Variants in ATP7A observed in about 807,000 individuals in gnomAD.
ATP7A encodes the protein ATPase copper transporting alpha, also known as copper-transporting ATPase 1.
ATP7A carries 7 observed loss-of-function variants against 83.5 expected under a neutral mutation model. The ratio of observed to expected loss-of-function variants is 0.08; its 90% CI spans 0.05 to 0.16. The LOEUF (loss-of-function observed/expected upper bound fraction) is 0.16. Ranked by LOEUF, ATP7A falls within the 10% of genes least tolerant of loss-of-function variation. ATP7A has a pLI of 1.00. For synonymous variants in ATP7A, 354 were observed against 395.2 expected, an observed-to-expected ratio of 0.90 and a Z score of 1.24; for missense variants, 940 against 1,120.8, an observed-to-expected ratio of 0.84 and a Z score of 2.30.
chrX:77,932,668 C>T (rs1319737038), intron 1 of ATP7A, among the ~76,000 whole-genome samples: 3 of 112,860 alleles, frequency 2.7e-5, no homozygotes, highest in Non-Finnish European at 5.6e-5. Context: ...CTCGGGAGGC[C>T]GAGGCTGGCA....
rs782007567 is a variant in ATP7A at position 77,937,344 on chromosome X, G to A, written c.-22+26509G>A. 1.5e-4 allele frequency among the ~76,000 whole-genome samples: 17 copies of A among 112,457 alleles called. No homozygotes were observed. The South Asian group carries it at 3.3e-3, about 22-fold the overall frequency. On this transcript the variant is annotated intron_variant, in intron 1 of 22. Coordinates refer to ENST00000341514, the MANE Select transcript of ATP7A (RefSeq NM_000052.7). ...TGCAGAGCAACTGGAACTTTTATAC[G>A]TTTCTGATGGGAATACAAAATGATA...
chrX:78,042,732 G>A lies in ATP7A; in HGVS notation c.3949G>A (p.Ala1317Thr). 1 of 1,211,746 alleles carries A rather than the reference G, an allele frequency of 8.3e-7. No homozygotes were observed. The highest frequency in any genetic ancestry group is 1.1e-6 in the Non-Finnish European group (1 of 895,588). Residue 1317 changes from alanine (A) to threonine (T), a missense_variant, in exon 20 of 23, where the codon GCT becomes ACT. Around this residue, in one of 3 missense-constraint regions of ATP7A, gnomAD observed 386 missense variants for 502.2 expected, o/e 0.77. Coordinates refer to ENST00000341514, the MANE Select transcript of ATP7A (RefSeq NM_000052.7). The stretch of plus-strand genomic sequence containing the variant: ...TCTGGCAATGGCTAATGTGGGAATT[G>A]CTATTGGCACAGGCACAGATGTAGC... ...PALAMANVGIAIGTGTDVAIE... is the reference protein window; with the variant it reads ...PALAMANVGITIGTGTDVAIE...
At position 77,912,174 on chromosome X, in the gene ATP7A, A is replaced by G. The variant is rs2077164221; in HGVS notation, c.-22+1339A>G. Among the ~76,000 whole-genome samples, 3 of 111,611 alleles carry G rather than the reference A, an allele frequency of 2.7e-5. No homozygotes were observed. The South Asian group carries it at 1.1e-3, about 41-fold the overall frequency. On this transcript the variant is annotated intron_variant, in intron 1 of 22. Transcript: ENST00000341514. Reference sequence around the variant, plus strand: ...GTTTTTTTTGTACTTGAGGATCTCAATGTAGTAGGAAAGAAAGATACACGA... The same window carrying G: ...GTTTTTTTTGTACTTGAGGATCTCAGTGTAGTAGGAAAGAAAGATACACGA...
chrX:78,011,491 T>G lies in ATP7A; in HGVS notation c.1989T>G (p.Pro663=). ...TTGTGAGTCTGTTTTTCTGTATTCCTGTAATGGGGCTGATGATATATATGA... is the reference window on the plus strand; with the variant it reads ...TTGTGAGTCTGTTTTTCTGTATTCCGGTAATGGGGCTGATGATATATATGA... ...SFLVSLFFCI[P]VMGLMIYMMV... Residue 663 remains proline (P), a synonymous_variant, in exon 9 of 23, where the codon CCT becomes CCG. Transcript: ENST00000341514. The G allele has an allele frequency of 1.7e-6, 2 of 1,211,147 alleles. No homozygotes were observed. The highest frequency in any genetic ancestry group is 2.2e-6 in the Non-Finnish European group (2 of 895,219).
chrX:77,981,169 T>G (rs944834360), intron 2 of ATP7A, among the ~76,000 whole-genome samples: 2 of 111,917 alleles, frequency 1.8e-5, no homozygotes, highest in African/African-American at 6.5e-5. Context: ...TTTGGCTTCT[T>G]AGCTTTTTCT....
intron 14 of ATP7A, among the ~76,000 whole-genome samples, chrX:78,028,363 A>G (rs978216872): frequency 9.0e-6 from 1 of 110,867 alleles, no homozygotes; most frequent in East Asian, 2.8e-4. Flanking sequence ...TAATTTTTGC[A>G]TTTTTAATAG....
chrX:77,990,491 A>G (rs987659139), intron 4 of ATP7A, among the ~76,000 whole-genome samples: 6 of 111,772 alleles, frequency 5.4e-5, no homozygotes, highest in Non-Finnish European at 9.4e-5. Flanking sequence ...TTTTACAATA[A>G]GAATGTATGT....
chrX:77,950,346 G>A (rs1226546840), intron 1 of ATP7A, among the ~76,000 whole-genome samples: 1 of 111,819 alleles, frequency 8.9e-6, no homozygotes, highest in Non-Finnish European at 1.9e-5. Flanking sequence ...TTTCTAAGAC[G>A]CTTGCGGTGG....
At chrX:77,955,445 A>G (rs1475023077) in intron 1 of ATP7A, among the ~76,000 whole-genome samples, 1 of 111,839 alleles carries the variant, frequency 8.9e-6, no homozygotes, top group Non-Finnish European at 1.9e-5. Context: ...TTTTCTTAGA[A>G]CATGCATTTA....
chrX:77,974,220 T>G (rs541135244), intron 2 of ATP7A, among the ~76,000 whole-genome samples: 3 of 110,035 alleles, frequency 2.7e-5, no homozygotes, highest in South Asian at 7.9e-4. Context: ...GTTGGCTCAC[T>G]GCAACGTCCA....
intron 1 of ATP7A, among the ~76,000 whole-genome samples, chrX:77,947,432 A>G (rs892880080): frequency 1.2e-5 from 1 of 86,333 alleles, no homozygotes; most frequent in African/African-American, 6.1e-5. Context: ...GTTATTGTGT[A>G]TTTTACCACA....
chrX:77,926,789 A>C (rs782786498), intron 1 of ATP7A, among the ~76,000 whole-genome samples: 17 of 102,542 alleles, frequency 1.7e-4, no homozygotes, highest in Admixed American at 1.4e-3. Context: ...TGCAACCTCC[A>C]CCTCCCCAGT....
At chrX:77,973,716 A>G (rs1175135599) in intron 2 of ATP7A, among the ~76,000 whole-genome samples, 1 of 111,916 alleles carries the variant, frequency 8.9e-6, no homozygotes, top group Non-Finnish European at 1.9e-5. Flanking sequence ...TTCCATATAA[A>G]TTTTAGAATC....
intron 6 of ATP7A, among the ~76,000 whole-genome samples, chrX:78,007,348 C>T (rs1219234328): frequency 3.7e-5 from 4 of 108,565 alleles, no homozygotes; most frequent in African/African-American, 1.0e-4. Flanking sequence ...TTTTTTGAGA[C>T]GGAGTCTCGC....
chrX:77,998,998 A>ATT (rs782623228), intron 5 of ATP7A, among the ~76,000 whole-genome samples: 2 of 100,830 alleles, frequency 2.0e-5, no homozygotes, highest in African/African-American at 3.6e-5. Flanking sequence ...AAGGAACATA[A>ATT]TTTTTTTTTT....
intron 1 of ATP7A, among the ~76,000 whole-genome samples, chrX:77,948,125 G>GTTCA (rs1173107342): frequency 6.4e-5 from 6 of 94,083 alleles, no homozygotes; most frequent in African/African-American, 1.3e-4. Context: ...TCATTCATTC[G>GTTCA]TTCATTCATT....
chrX:78,033,530 G>C, intron 16 of ATP7A, 75 bp from the exon 17 acceptor site: 2 of 975,228 alleles, frequency 2.1e-6, no homozygotes, highest in Non-Finnish European at 2.9e-6. Flanking sequence ...AATTAACTAG[G>C]GGTTTTTATC....
intron 2 of ATP7A, among the ~76,000 whole-genome samples, chrX:77,972,578 T>C (rs1019421546): frequency 2.7e-5 from 3 of 112,144 alleles, no homozygotes; most frequent in African/African-American, 9.7e-5. Flanking sequence ...CTTGAACTCC[T>C]GACCTCAGGT....
chrX:77,994,643 G>A (rs781880867), intron 4 of ATP7A, among the ~76,000 whole-genome samples: 1 of 110,223 alleles, frequency 9.1e-6, no homozygotes, highest in African/African-American at 3.3e-5. Flanking sequence ...GGGCTTAAGC[G>A]ATCTTCCCAC....
Sources: allele counts gnomAD v4.1 joint callset (sites outside exome capture counted in the v4.1 genomes callset), GRCh38; gene constraint gnomAD v4.1.1; regional missense constraint gnomAD v4.1.1; transcripts MANE v1.5; gene names NCBI Gene and HGNC (gene_info 2026-07-23, HGNC 2026-07-21).